LRRN2: variants seen among roughly 807,000 people sequenced by gnomAD.
LRRN2 encodes leucine rich repeat neuronal 2.
LRRN2 carries 10 observed loss-of-function variants against 35.7 expected under a neutral mutation model. The observed-to-expected ratio is 0.28, with a 90% CI of 0.17 to 0.47. The LOEUF (loss-of-function observed/expected upper bound fraction) is 0.47, where lower values mean the gene tolerates loss of function less well. LRRN2 is among the 20% of genes least tolerant of loss of function. LRRN2 has a pLI of 0.99. For synonymous variants in LRRN2, 391 were observed against 409.6 expected, an observed-to-expected ratio of 0.95 and a Z score of 0.55; for missense variants, 731 against 940.3, an observed-to-expected ratio of 0.78 and a Z score of 2.91.
intron 1 of LRRN2, among the ~76,000 whole-genome samples, chr1:204,639,938 A>ATAT (rs1244647696): frequency 6.6e-6 from 1 of 152,148 alleles, no homozygotes; most frequent in Non-Finnish European, 1.5e-5. Context: ...ACATGTGTAT[A>ATAT]TATTATATAA....
intron 1 of LRRN2, among the ~76,000 whole-genome samples, chr1:204,631,254 TTCTATATATATATATATATA>T (rs1667685230): frequency 1.0e-4 from 1 of 9,924 alleles, no homozygotes; most frequent in Admixed American, 2.0e-3. Context: ...ACCTAGAGTG[TTCTATATATATATATATATA>T]TATATATATA....
chr1:204,619,106 T>C lies in LRRN2; in HGVS notation c.887A>G (p.Glu296Gly). 16 of 1,610,486 alleles carry C rather than the reference T, an allele frequency of 9.9e-6. No individual in the cohort carries two copies. The highest frequency in any genetic ancestry group is 1.4e-5 in the Non-Finnish European group (16 of 1,177,760). Residue 296 changes from glutamate (E) to glycine (G), a missense_variant, in exon 2 of 2, where the codon GAG becomes GGG. Around this residue, in one of 3 missense-constraint regions of LRRN2, gnomAD observed 256 missense variants for 392.4 expected, o/e 0.65. Coordinates refer to ENST00000367177, the MANE Select transcript of LRRN2 (RefSeq NM_201630.2). ...HLKELGLNNM[E>G]ELVSIDKFAL... Reference sequence around the variant, plus strand: ...AAACTTGTCGATGGAGACCAGCTCCTCCATGTTGTTCAGTCCCAGCTCCTT... The same window carrying C: ...AAACTTGTCGATGGAGACCAGCTCCCCCATGTTGTTCAGTCCCAGCTCCTT...
intron 1 of LRRN2, among the ~76,000 whole-genome samples, chr1:204,632,103 T>G (rs961576508): frequency 6.6e-5 from 10 of 152,008 alleles, no homozygotes; most frequent in South Asian, 2.1e-4. Flanking sequence ...GTGTGGTGGC[T>G]CATACCTGTA....
At chr1:204,678,638 G>A (rs999348045) in intron 1 of LRRN2, among the ~76,000 whole-genome samples, 7 of 151,856 alleles carry the variant, frequency 4.6e-5, no homozygotes, top group African/African-American at 9.7e-5. Flanking sequence ...CCTCCACGCC[G>A]CCTCTGACTC....
chr1:204,626,189 G>C (rs1667342561), intron 1 of LRRN2, among the ~76,000 whole-genome samples: 1 of 152,046 alleles, frequency 6.6e-6, no homozygotes, highest in African/African-American at 2.4e-5. Context: ...CTGCCTGGCT[G>C]TGCTGCATTG....
At chr1:204,650,072 C>T (rs1056327806) in intron 1 of LRRN2, among the ~76,000 whole-genome samples, 23 of 152,224 alleles carry the variant, frequency 1.5e-4, no homozygotes, top group Admixed American at 3.9e-4. Context: ...CCTGCCAGCA[C>T]CTGCCCAGCC....
chr1:204,623,230 C>T (rs567058230), intron 1 of LRRN2, among the ~76,000 whole-genome samples: 102 of 152,326 alleles, frequency 6.7e-4, no homozygotes, highest in African/African-American at 2.4e-3. Flanking sequence ...TACCCGAGTC[C>T]AGTTTCCCTT....
intron 1 of LRRN2, among the ~76,000 whole-genome samples, chr1:204,634,303 C>T (rs1236886611): frequency 6.6e-6 from 1 of 152,130 alleles, no homozygotes; most frequent in African/African-American, 2.4e-5. Context: ...GAATAGAAGA[C>T]GTGGAGGAGA....
chr1:204,637,645 CGTGTGTGTGTGTGTGTGT>C (rs67761829), intron 1 of LRRN2, among the ~76,000 whole-genome samples: 13 of 130,024 alleles, frequency 1.0e-4, no homozygotes, highest in South Asian at 2.7e-4. Context: ...CAGCACGTGA[CGTGTGTGTGTGTGTGTGT>C]GTGTGTGTGT....
chr1:204,674,142 A>G (rs1447200159), intron 1 of LRRN2, among the ~76,000 whole-genome samples: 1 of 152,108 alleles, frequency 6.6e-6, no homozygotes, highest in African/African-American at 2.4e-5. Context: ...CAGAGAGCCA[A>G]TACTCCTCAG....
chr1:204,652,263 C>CCCCCCCCCCCCCCCCG (rs1553348476), intron 1 of LRRN2, among the ~76,000 whole-genome samples: 1 of 73,416 alleles, frequency 1.4e-5, no homozygotes, highest in Non-Finnish European at 2.4e-5. Context: ...CTTCACCGCC[C>CCCCCCCCCCCCCCCCG]CCCCCCCGCC....
At chr1:204,682,915 C>T (rs1668985070) in intron 1 of LRRN2, 1 of 152,228 alleles carries the variant, frequency 6.6e-6, no homozygotes, top group Non-Finnish European at 1.5e-5. Context: ...CTGGTGGGAA[C>T]AGAGCTAATC....
At chr1:204,631,289 T>TATATATATATAA (rs1667695365) in intron 1 of LRRN2, among the ~76,000 whole-genome samples, 1 of 101,712 alleles carries the variant, frequency 9.8e-6, no homozygotes, top group Non-Finnish European at 2.0e-5. Context: ...TATATATATA[T>TATATATATATAA]ATATATATAT....
chr1:204,663,580 C>T (rs1668514226), intron 1 of LRRN2, among the ~76,000 whole-genome samples: 1 of 152,178 alleles, frequency 6.6e-6, no homozygotes, highest in Admixed American at 6.5e-5. Flanking sequence ...CCCTCTCTAC[C>T]CTGGGAAATG....
intron 1 of LRRN2, among the ~76,000 whole-genome samples, chr1:204,623,875 G>T (rs538551073): frequency 2.0e-5 from 3 of 152,292 alleles, no homozygotes; most frequent in African/African-American, 7.2e-5. Context: ...TAGAGAACAC[G>T]CATTGCATTT....
At chr1:204,623,412 T>A (rs994779082) in intron 1 of LRRN2, among the ~76,000 whole-genome samples, 2 of 152,092 alleles carry the variant, frequency 1.3e-5, no homozygotes, top group Admixed American at 1.3e-4. Context: ...GAGGCAGAGG[T>A]CGTGGCTCCT....
At position 204,619,872 on chromosome 1, in the gene LRRN2, A is replaced by T; in HGVS notation, c.121T>A (p.Tyr41Asn). The change falls in exon 2 of 2, where the codon TAT becomes AAT. Residue 41 changes from tyrosine (Y) to asparagine (N), a missense_variant. Tyr to Asn is a moderately radical substitution (Grantham distance 143). This residue lies in a region of LRRN2 where 246 missense variants were observed against 289.5 expected (regional missense o/e 0.85). Coordinates refer to ENST00000367177, the MANE Select transcript of LRRN2 (RefSeq NM_201630.2). ...PQCACQIRPWYTPRSSYREAT... is the reference protein window; with the variant it reads ...PQCACQIRPWNTPRSSYREAT... ...TCGCGGTAGGACGAGCGGGGCGTAT[A>T]CCAGGGCCGGATCTGGCAGGCACAC... 6.2e-7 allele frequency: 1 copy of T among 1,613,868 alleles called. No homozygotes were observed. The highest frequency in any genetic ancestry group is 1.3e-5 in the African/African-American group (1 of 75,046).
chr1:204,680,147 T>C (rs952078947), intron 1 of LRRN2, among the ~76,000 whole-genome samples: 2 of 152,212 alleles, frequency 1.3e-5, no homozygotes, highest in African/African-American at 4.8e-5. Flanking sequence ...TCTGAGTCTG[T>C]TTCTTGGCTT....
chr1:204,645,796 G>T (rs1668093287), intron 1 of LRRN2, among the ~76,000 whole-genome samples: 1 of 152,120 alleles, frequency 6.6e-6, no homozygotes, highest in East Asian at 1.9e-4. Context: ...GCAAGCAGGG[G>T]AAATGCCAGG....
Sources: allele counts gnomAD v4.1 joint callset (sites outside exome capture counted in the v4.1 genomes callset), GRCh38; gene constraint gnomAD v4.1.1; regional missense constraint gnomAD v4.1.1; transcripts MANE v1.5; gene names NCBI Gene and HGNC (gene_info 2026-07-23, HGNC 2026-07-21).